The following TMTC2 variants were observed in gnomAD, a reference collection of about 807,000 sequenced individuals.
The protein encoded by TMTC2 is protein O-mannosyl-transferase TMTC2.
In TMTC2, 43 loss-of-function variants were observed where a neutral mutation model predicts 82.4. The observed-to-expected ratio is 0.52, with a 90% confidence interval of 0.41 to 0.67. The LOEUF (loss-of-function observed/expected upper bound fraction) is 0.67, where lower values mean the gene tolerates loss of function less well. Among genes scored for constraint, TMTC2 ranks in the 30% least tolerant of loss-of-function variants. The pLI, the probability that TMTC2 is intolerant of heterozygous loss-of-function variation, is 0.00. For synonymous variants in TMTC2, 408 were observed against 381.9 expected, an observed-to-expected ratio of 1.07 and a Z score of -0.80; for missense variants, 919 against 1,012.4, an observed-to-expected ratio of 0.91 and a Z score of 1.25.
intron 2 of TMTC2, among the ~76,000 whole-genome samples, chr12:82,883,613 A>G (rs1327035337): frequency 2.0e-5 from 3 of 152,202 alleles, no homozygotes; most frequent in Non-Finnish European, 4.4e-5. Context: ...GCATCTCATA[A>G]TAGCTGGTTT....
chr12:82,872,015 C>CT (rs1446100112), intron 2 of TMTC2, among the ~76,000 whole-genome samples: 3 of 135,662 alleles, frequency 2.2e-5, no homozygotes, highest in African/African-American at 9.1e-5. Context: ...ACCCCCCCCC[C>CT]CGCCCACACC....
intron 2 of TMTC2, among the ~76,000 whole-genome samples, chr12:82,867,459 G>T (rs1296989888): frequency 2.0e-5 from 3 of 152,136 alleles, no homozygotes; most frequent in South Asian, 4.1e-4. Flanking sequence ...TGGGGAAAAT[G>T]AAGAACACCT....
At chr12:82,688,854 G>C (rs1264967080) in intron 1 of TMTC2, among the ~76,000 whole-genome samples, 1 of 152,108 alleles carries the variant, frequency 6.6e-6, no homozygotes, top group Non-Finnish European at 1.5e-5. Context: ...TCTTCTTCTC[G>C]TCGTAATTAG....
chr12:82,995,519 C>T (rs907237330), intron 8 of TMTC2, among the ~76,000 whole-genome samples: 4 of 152,144 alleles, frequency 2.6e-5, no homozygotes, highest in Admixed American at 2.6e-4. Flanking sequence ...TCATGAGGCT[C>T]AGCAACCTGA....
intron 3 of TMTC2, among the ~76,000 whole-genome samples, chr12:82,911,917 G>A (rs761397852): frequency 5.9e-5 from 9 of 152,032 alleles, no homozygotes; most frequent in South Asian, 2.1e-4. Context: ...GCCCATACTC[G>A]GATTTGGTTA....
intron 1 of TMTC2, among the ~76,000 whole-genome samples, chr12:82,791,394 T>C (rs1176543331): frequency 6.6e-6 from 1 of 152,098 alleles, no homozygotes; most frequent in Non-Finnish European, 1.5e-5. Flanking sequence ...CCATAAGTTA[T>C]GGAATGAATG....
chr12:82,758,513 A>G (rs1876455784), intron 1 of TMTC2: 1 of 152,180 alleles, frequency 6.6e-6, no homozygotes, highest in South Asian at 2.1e-4. Context: ...ATTCACTTCT[A>G]AAGCCATTTC....
intron 11 of TMTC2, among the ~76,000 whole-genome samples, chr12:83,065,144 A>C (rs998035421): frequency 2.0e-5 from 3 of 152,022 alleles, no homozygotes; most frequent in Non-Finnish European, 4.4e-5. Context: ...TGAAGCTGCA[A>C]CCTTCATTAC....
At position 83,133,044 on chromosome 12, in the gene TMTC2, A is replaced by C. The variant is rs1031646294; in HGVS notation, c.*655A>C. On this transcript the variant is annotated 3_prime_UTR_variant, in exon 12 of 12. Coordinates refer to ENST00000321196, the MANE Select transcript of TMTC2 (RefSeq NM_152588.3). ...ATCATTTGCTTTTTATGTTCTGAAA[A>C]GGATATGGAGAGTAGAGCTAACCAT... The C allele has an allele frequency of 2.0e-5, 3 of 152,204 alleles. No homozygotes were observed. The highest frequency in any genetic ancestry group is 4.4e-5 in the Non-Finnish European group (3 of 68,066). 9.4% of individuals were successfully genotyped at this position (152,204 alleles called of 1,614,324 possible).
intron 8 of TMTC2, among the ~76,000 whole-genome samples, chr12:82,993,812 G>C (rs957461236): frequency 3.9e-5 from 6 of 152,226 alleles, no homozygotes; most frequent in Admixed American, 1.3e-4. Context: ...ATTAATGAGT[G>C]TAGAAAGACA....
chr12:82,985,497 T>G (rs1000098075), intron 7 of TMTC2, among the ~76,000 whole-genome samples: 1 of 152,212 alleles, frequency 6.6e-6, no homozygotes, highest in African/African-American at 2.4e-5. Flanking sequence ...CACTTTTTTC[T>G]TATAGTTCCT....
chr12:82,919,573 G>A (rs1465759059), intron 3 of TMTC2, among the ~76,000 whole-genome samples: 2 of 152,076 alleles, frequency 1.3e-5, no homozygotes, highest in African/African-American at 2.4e-5. Flanking sequence ...CTGTATAGAG[G>A]CAAATTCCTT....
intron 6 of TMTC2, 85 bp from the exon 7 acceptor site, chr12:82,966,834 T>G: frequency 9.9e-7 from 1 of 1,008,054 alleles, no homozygotes; most frequent in East Asian, 2.6e-5. Flanking sequence ...GGTTTTAACT[T>G]TGGAAGAAAG....
chr12:82,756,410 G>T lies in TMTC2; in HGVS notation c.83+68741G>T, dbSNP rs543301304. Reference sequence around the variant, plus strand: ...ACATATATTCTTTACAAAAAGAGAGGTTAGATGTGCTTGGGAGCAATCATC... The same window carrying T: ...ACATATATTCTTTACAAAAAGAGAGTTTAGATGTGCTTGGGAGCAATCATC... On this transcript the variant is annotated intron_variant, in intron 1 of 11. Coordinates refer to ENST00000321196, the MANE Select transcript of TMTC2 (RefSeq NM_152588.3). Among the ~76,000 whole-genome samples, 14 of 152,262 alleles carry T rather than the reference G, an allele frequency of 9.2e-5. No individual in the cohort carries two copies. The East Asian group carries it at 2.7e-3, about 29-fold the overall frequency.
At chr12:82,701,340 G>A (rs1182002198) in intron 1 of TMTC2, among the ~76,000 whole-genome samples, 1 of 152,100 alleles carries the variant, frequency 6.6e-6, no homozygotes, top group Non-Finnish European at 1.5e-5. Context: ...AAGCAGCACT[G>A]AATATAAAAG....
intron 11 of TMTC2, among the ~76,000 whole-genome samples, chr12:83,130,681 T>C (rs991801035): frequency 5.3e-5 from 8 of 152,194 alleles, no homozygotes; most frequent in Non-Finnish European, 1.0e-4. Context: ...CAAACATGTA[T>C]GTGCTAGACT....
chr12:83,017,260 C>G (rs1331855324), intron 8 of TMTC2, among the ~76,000 whole-genome samples: 1 of 152,142 alleles, frequency 6.6e-6, no homozygotes, highest in Admixed American at 6.5e-5. Context: ...TTTGACTCAT[C>G]TAATTGTGAA....
At chr12:83,070,179 G>C (rs1592727695) in intron 11 of TMTC2, among the ~76,000 whole-genome samples, 1 of 152,006 alleles carries the variant, frequency 6.6e-6, no homozygotes, top group Non-Finnish European at 1.5e-5. Context: ...CTCTTTTTTG[G>C]TTCCCTATGA....
rs572988712 is a variant in TMTC2, at chr12:82,871,943, C to T, written c.654+14363C>T. Among the ~76,000 whole-genome samples the T allele has an allele frequency of 3.3e-5, 5 of 151,522 alleles. No individual in the cohort carries two copies. The South Asian group carries it at 1.0e-3, about 32-fold the overall frequency. On this transcript the variant is annotated intron_variant, in intron 2 of 11. Transcript: ENST00000321196. ...TCAGGATTTACATTCGTGTGGTAAC[C>T]ATTCTCCAGATAATTTGTGCATTCA...
Sources: allele counts gnomAD v4.1 joint callset (sites outside exome capture counted in the v4.1 genomes callset), GRCh38; gene constraint gnomAD v4.1.1; transcripts MANE v1.5; gene names NCBI Gene and HGNC (gene_info 2026-07-23, HGNC 2026-07-21).